FBXL17: variants seen among roughly 807,000 people sequenced by gnomAD.
The protein encoded by FBXL17 is F-box and leucine rich repeat protein 17.
Under a neutral mutation model 66.2 loss-of-function variants are expected in FBXL17, and 22 were observed. That is an observed-to-expected ratio of 0.33 (90% CI 0.24 to 0.47). The LOEUF (loss-of-function observed/expected upper bound fraction) is 0.47. FBXL17 is among the 20% of genes least tolerant of loss of function. FBXL17 has a pLI of 1.00. For synonymous variants in FBXL17, 474 were observed against 400.5 expected, an observed-to-expected ratio of 1.18 and a Z score of -2.19; for missense variants, 878 against 948.2, an observed-to-expected ratio of 0.93 and a Z score of 0.97.
intron 5 of FBXL17, among the ~76,000 whole-genome samples, chr5:108,187,656 G>A (rs748937923): frequency 6.6e-6 from 1 of 152,160 alleles, no homozygotes; most frequent in Admixed American, 6.5e-5. Flanking sequence ...GCTGCCAGCC[G>A]GGAAGAGATA....
chr5:108,026,481 A>C (rs1208303549), intron 6 of FBXL17, among the ~76,000 whole-genome samples: 3 of 152,192 alleles, frequency 2.0e-5, no homozygotes, highest in African/African-American at 7.2e-5. Context: ...TCAATTTTTC[A>C]TGTAAACTTC....
At chr5:107,927,967 G>A (rs1750588029) in intron 7 of FBXL17, among the ~76,000 whole-genome samples, 1 of 151,964 alleles carries the variant, frequency 6.6e-6, no homozygotes, top group Admixed American at 6.6e-5. Context: ...TTTTAAGAAT[G>A]GCAAATGATA....
chr5:107,889,639 T>C (rs2112514718), intron 7 of FBXL17, among the ~76,000 whole-genome samples: 1 of 152,304 alleles, frequency 6.6e-6, no homozygotes, highest in South Asian at 2.1e-4. Flanking sequence ...TCCTGCCCTG[T>C]AACTCCTGAA....
intron 6 of FBXL17, among the ~76,000 whole-genome samples, chr5:108,081,039 G>T (rs796817966): frequency 2.6e-4 from 40 of 152,202 alleles, no homozygotes; most frequent in African/African-American, 9.6e-4. Context: ...ATACGTCAAA[G>T]AAATATATTT....
chr5:107,905,796 G>C (rs1203025896), intron 7 of FBXL17, among the ~76,000 whole-genome samples: 4 of 152,228 alleles, frequency 2.6e-5, no homozygotes, highest in South Asian at 4.2e-4. Flanking sequence ...ACACTTTTGG[G>C]GTGGAGATTC....
intron 6 of FBXL17, among the ~76,000 whole-genome samples, chr5:108,157,996 A>C (rs1312672466): frequency 6.6e-6 from 1 of 152,110 alleles, no homozygotes; most frequent in Non-Finnish European, 1.5e-5. Flanking sequence ...GTAAATAATC[A>C]AACTTTACTT....
At chr5:108,266,367 T>C (rs1202465496) in intron 4 of FBXL17, among the ~76,000 whole-genome samples, 1 of 151,934 alleles carries the variant, frequency 6.6e-6, no homozygotes, top group African/African-American at 2.4e-5. Flanking sequence ...AGTATCATGA[T>C]TAAATCTTGT....
At chr5:108,154,688 T>TATATATAC (rs1751925578) in intron 6 of FBXL17, among the ~76,000 whole-genome samples, 7 of 139,866 alleles carry the variant, frequency 5.0e-5, no homozygotes, top group African/African-American at 1.8e-4. Flanking sequence ...TATATACACA[T>TATATATAC]ATATATGTAT....
intron 4 of FBXL17, among the ~76,000 whole-genome samples, chr5:108,233,323 C>A (rs1378803600): frequency 6.6e-6 from 1 of 152,036 alleles, no homozygotes; most frequent in Admixed American, 6.6e-5. Flanking sequence ...ATATGTATAC[C>A]AATTTTGCCA....
At chr5:108,088,700 C>CAAAAAAAA (rs57707936) in intron 6 of FBXL17, among the ~76,000 whole-genome samples, 7 of 49,344 alleles carry the variant, frequency 1.4e-4, no homozygotes, top group African/African-American at 3.5e-4. Context: ...GACTCTATCT[C>CAAAAAAAA]AAAAAAAAAA....
At position 108,382,023 on chromosome 5, in the gene FBXL17, CGGCCGGGGAAA is replaced by C. The variant is rs1248496345; in HGVS notation, c.-343_-333del. The C allele has an allele frequency of 2.8e-6, 3 of 1,084,190 alleles. No homozygotes were observed. In the African/African-American group the frequency reaches 4.9e-5, roughly 18 times the overall value. 67.2% of individuals were successfully genotyped at this position (1,084,190 alleles called of 1,614,324 possible). On this transcript the variant is annotated 5_prime_UTR_variant, in exon 1 of 9. The change creates a premature stop within an existing upstream ORF in the 5' untranslated region. Transcript: ENST00000542267. ...CAGCCGGCTCAGTCAGTCAGCGGAG[CGGCCGGGGAAA>C]GGCCGGGTCCCGCTCGGACCATTTT...
intron 4 of FBXL17, among the ~76,000 whole-genome samples, chr5:108,302,383 T>C (rs1758631564): frequency 6.6e-6 from 1 of 151,864 alleles, no homozygotes; most frequent in African/African-American, 2.4e-5. Context: ...AAATACATAT[T>C]GCTTCCTAAT....
chr5:108,300,316 G>C (rs556564785), intron 4 of FBXL17, among the ~76,000 whole-genome samples: 7 of 151,822 alleles, frequency 4.6e-5, no homozygotes, highest in Non-Finnish European at 7.4e-5. Context: ...TCTTTCTACA[G>C]AGAGACACTC....
At chr5:108,032,110 A>C (rs951307796) in intron 6 of FBXL17, among the ~76,000 whole-genome samples, 2 of 152,206 alleles carry the variant, frequency 1.3e-5, no homozygotes, top group African/African-American at 4.8e-5. Flanking sequence ...TATCCTCCAC[A>C]TAAATAAGGC....
chr5:108,283,539 G>A (rs1452914524), intron 4 of FBXL17, among the ~76,000 whole-genome samples: 1 of 151,822 alleles, frequency 6.6e-6, no homozygotes, highest in South Asian at 2.1e-4. Flanking sequence ...ACTCAAGATG[G>A]ATTAAAGACT....
At chr5:108,064,795 C>T (rs1434180984) in intron 6 of FBXL17, among the ~76,000 whole-genome samples, 1 of 152,130 alleles carries the variant, frequency 6.6e-6, no homozygotes, top group Non-Finnish European at 1.5e-5. Context: ...TTTTATCTCA[C>T]AGTTCCTAGG....
intron 7 of FBXL17, among the ~76,000 whole-genome samples, chr5:107,908,697 C>T (rs1371611766): frequency 6.6e-6 from 1 of 152,050 alleles, no homozygotes; most frequent in Non-Finnish European, 1.5e-5. Context: ...AGGAGGACTG[C>T]GGGGCAAAGG....
intron 7 of FBXL17, among the ~76,000 whole-genome samples, chr5:107,893,326 C>A (rs778399777): frequency 2.6e-5 from 4 of 152,168 alleles, no homozygotes; most frequent in Non-Finnish European, 4.4e-5. Flanking sequence ...CATGTGCACA[C>A]ACATATACAT....
chr5:108,373,034 T>C (rs944876827), intron 1 of FBXL17, among the ~76,000 whole-genome samples: 1 of 151,748 alleles, frequency 6.6e-6, no homozygotes, highest in Non-Finnish European at 1.5e-5. Flanking sequence ...AAAGTTTTTA[T>C]ATACCACTGA....
Sources: allele counts gnomAD v4.1 joint callset (sites outside exome capture counted in the v4.1 genomes callset), GRCh38; gene constraint gnomAD v4.1.1; transcripts MANE v1.5; gene names NCBI Gene and HGNC (gene_info 2026-07-23, HGNC 2026-07-21).